MYO18B: variants seen among roughly 807,000 people sequenced by gnomAD.
MYO18B encodes the protein unconventional myosin-XVIIIb.
Under a neutral mutation model 273.0 loss-of-function variants are expected in MYO18B, and 204 were observed. The observed-to-expected ratio is 0.75, with a 90% CI of 0.67 to 0.84. MYO18B has a LOEUF of 0.84. Among genes scored for constraint, MYO18B ranks in the 40% least tolerant of loss-of-function variants. The probability of loss-of-function intolerance (pLI) is 0.00; values close to 1 mark genes in which losing one functional copy is unlikely to be tolerated. For missense variants in MYO18B, 3,212 were observed against 3,287.6 expected, an observed-to-expected ratio of 0.98 and a Z score of 0.56; for synonymous variants, 1,330 against 1,305.7, an observed-to-expected ratio of 1.02 and a Z score of -0.40.
At position 26,027,195 on chromosome 22, in the gene MYO18B, G is replaced by A. The variant is rs201666386; in HGVS notation, c.7221G>A (p.Gln2407=). Residue 2407 remains glutamine (Q), a synonymous_variant, in exon 43 of 44, where the codon CAG becomes CAA. Transcript: ENST00000335473. The surrounding 1 kb of genome is among the most constrained non-coding windows in gnomAD (Gnocchi z 4.1). ...PDLGKEPLVF[Q]NRQFAHLMEE... ...TTGGAAAGGAGCCGCTTGTTTTCCAGAACCGCCAGTTTGCCCACCTGATGG... is the reference window on the plus strand; with the variant it reads ...TTGGAAAGGAGCCGCTTGTTTTCCAAAACCGCCAGTTTGCCCACCTGATGG... 2,873 of 1,613,950 alleles carry A rather than the reference G, an allele frequency of 1.8e-3. 13 individuals are homozygous for A. The highest frequency in any genetic ancestry group is 9.3e-3 in the South Asian group (845 of 91,088).
chr22:26,061,408 G>T, the MYO18B span, among the ~76,000 whole-genome samples: 1 of 152,064 alleles, frequency 6.6e-6, no homozygotes, highest in Admixed American at 6.5e-5. Flanking sequence ...CCTTGATGGG[G>T]CTGTTGGAGT....
chr22:25,793,137 C>T (rs1309592257), intron 11 of MYO18B, among the ~76,000 whole-genome samples: 1 of 152,216 alleles, frequency 6.6e-6, no homozygotes, highest in Non-Finnish European at 1.5e-5. Flanking sequence ...TTATTGAGTA[C>T]CACTGTGTGC....
chr22:26,060,012 G>A, the MYO18B span, among the ~76,000 whole-genome samples: 1 of 152,200 alleles, frequency 6.6e-6, no homozygotes, highest in East Asian at 1.9e-4. Flanking sequence ...GCATAAAAAT[G>A]TTTCTTTTAA....
intron 1 of MYO18B, among the ~76,000 whole-genome samples, chr22:25,752,879 G>C (rs78268897): frequency 6.6e-6 from 1 of 152,186 alleles, no homozygotes; most frequent in African/African-American, 2.4e-5. Context: ...CGGGTGGTCG[G>C]AGGCTCCGTA....
rs767625703 is a variant in MYO18B at position 26,027,127 on chromosome 22, C to T, written c.7153C>T (p.Arg2385Trp). Residue 2385 changes from arginine to tryptophan, a missense_variant, in exon 43 of 44, where the codon CGG (arginine) becomes TGG (tryptophan). Physicochemically the swap from Arg to Trp is moderately radical, Grantham distance 101 (BLOSUM62 -3). Transcript: ENST00000335473. The surrounding 1 kb of genome is among the most constrained non-coding windows in gnomAD (Gnocchi z 4.1). Reference protein sequence around the residue: ...LLSPTLRPRRRCLESSVDDAG... With the variant: ...LLSPTLRPRRWCLESSVDDAG... ...GTCGCCCACACTGCGTCCTCGGAGG[C>T]GGTGTCTGGAGTCCTCTGTGGACGA... 48 of 1,613,864 alleles carry T rather than the reference C, an allele frequency of 3.0e-5. No homozygotes were observed. The highest frequency in any genetic ancestry group is 3.9e-5 in the Non-Finnish European group (46 of 1,179,896).
In MYO18B at chr22:26,026,333, T is replaced by A. The variant is rs1601864214; in HGVS notation, c.6471-112T>A. ...TCATTTGAGAGTGCGGTAGGGATGG[T>A]ATTTCCAAAGAAAAATAATATTAGT... On this transcript the variant is annotated intron_variant, in intron 42 of 43. Transcript: ENST00000335473. 3.0e-5 allele frequency: 37 copies of A among 1,219,022 alleles called. 1 individual carries two copies. In the Middle Eastern group the frequency reaches 8.3e-4, roughly 27 times the overall value. The allele number at this position is 1,219,022 out of a possible 1,614,324, so 75.5% of individuals were successfully genotyped here.
At chr22:25,784,885 G>A (rs932011726) in intron 10 of MYO18B, among the ~76,000 whole-genome samples, 2 of 152,324 alleles carry the variant, frequency 1.3e-5, no homozygotes, top group African/African-American at 2.4e-5. Flanking sequence ...CGGGAGAGGT[G>A]CACGTGGCAG....
intron 42 of MYO18B, among the ~76,000 whole-genome samples, chr22:26,023,336 A>G (rs1935966480): frequency 6.6e-6 from 1 of 152,068 alleles, no homozygotes; most frequent in Non-Finnish European, 1.5e-5. Context: ...TCTACTACAT[A>G]CTGGGCTCAG....
chr22:25,869,323 G>A (rs1004778468), intron 22 of MYO18B, among the ~76,000 whole-genome samples: 4 of 151,812 alleles, frequency 2.6e-5, no homozygotes, highest in African/African-American at 4.8e-5. Flanking sequence ...GGTGGTGTGC[G>A]CCTGTAATCC....
At chr22:25,894,909 A>C in intron 27 of MYO18B, 1 of 459,260 alleles carries the variant, frequency 2.2e-6, no homozygotes, top group Non-Finnish European at 4.0e-6. Flanking sequence ...AAGGCAACCA[A>C]TCTTAGAAGA....
intron 17 of MYO18B, among the ~76,000 whole-genome samples, chr22:25,842,964 CTGAG>C (rs1390156037): frequency 2.0e-5 from 3 of 152,196 alleles, no homozygotes; most frequent in Non-Finnish European, 4.4e-5. Context: ...TTACTGCTGA[CTGAG>C]TGACCATTAT....
intron 12 of MYO18B, among the ~76,000 whole-genome samples, chr22:25,822,075 T>G (rs1035496853): frequency 6.6e-6 from 1 of 152,208 alleles, no homozygotes; most frequent in African/African-American, 2.4e-5. Context: ...AATGGCTTTA[T>G]AATGGTCCAA....
At position 25,933,510 on chromosome 22, in the gene MYO18B, C is replaced by T. The variant is rs2092537093; in HGVS notation, c.5517+12101C>T. Among the ~76,000 whole-genome samples, 3 of 152,354 alleles carry T rather than the reference C, an allele frequency of 2.0e-5. No homozygotes were observed. In the South Asian group the frequency reaches 6.2e-4, roughly 32 times the overall value. Reference sequence around the variant, plus strand: ...TTCTCGTTAGAGAAATTCTCACCATCCACATGTGCTGGCCTTGTATCTTGC... The same window carrying T: ...TTCTCGTTAGAGAAATTCTCACCATTCACATGTGCTGGCCTTGTATCTTGC... On this transcript the variant is annotated intron_variant, in intron 34 of 43. Transcript: ENST00000335473.
chr22:25,982,800 A>G (rs1272742803), intron 39 of MYO18B, among the ~76,000 whole-genome samples: 3 of 152,228 alleles, frequency 2.0e-5, no homozygotes, highest in Admixed American at 6.5e-5. Flanking sequence ...CATATCTGCA[A>G]GATGCCTTTT....
In MYO18B at chr22:25,878,036, G is replaced by T. The variant is rs1360650293; in HGVS notation, c.4302G>T (p.Leu1434=). The T allele has an allele frequency of 6.3e-7, 1 of 1,580,262 alleles. No homozygotes were observed. Among genetic ancestry groups the T allele is most frequent in the South Asian group, 1.2e-5 (1 of 85,696 alleles). The part of the protein sequence containing the change: ...LRNELRQNTD[L]LESKIADLTS... Reference sequence around the variant, plus strand: ...ATGAACTCCGGCAGAACACAGATCTGCTAGAAAGCAAGGTATCCCCATCCC... The same window carrying T: ...ATGAACTCCGGCAGAACACAGATCTTCTAGAAAGCAAGGTATCCCCATCCC... Residue 1434 remains leucine, a synonymous_variant, in exon 25 of 44, where the codon CTG becomes CTT. Transcript: ENST00000335473.
At chr22:25,762,110 G>GA (rs113144865) in intron 2 of MYO18B, among the ~76,000 whole-genome samples, 390 of 111,632 alleles carry the variant, frequency 3.5e-3, no homozygotes, top group African/African-American at 7.0e-3. Flanking sequence ...TCTCAAAAAA[G>GA]AAAAAAAAAA....
the MYO18B span, among the ~76,000 whole-genome samples, chr22:26,059,273 A>G: frequency 6.6e-6 from 1 of 152,212 alleles, no homozygotes; most frequent in Non-Finnish European, 1.5e-5. Context: ...TACTGGGATG[A>G]TGGATCTTGG....
chr22:25,965,943 G>C (rs1440371355), intron 39 of MYO18B, among the ~76,000 whole-genome samples: 1 of 152,130 alleles, frequency 6.6e-6, no homozygotes, highest in Non-Finnish European at 1.5e-5. Flanking sequence ...GGAGTGAAAG[G>C]CTCTTAATCA....
At chr22:25,969,949 TATC>T (rs2093019023) in intron 39 of MYO18B, among the ~76,000 whole-genome samples, 1 of 152,028 alleles carries the variant, frequency 6.6e-6, no homozygotes, top group Non-Finnish European at 1.5e-5. Flanking sequence ...TCATCATCAT[TATC>T]ATCATCATTG....
Sources: allele counts gnomAD v4.1 joint callset (sites outside exome capture counted in the v4.1 genomes callset), GRCh38; gene constraint gnomAD v4.1.1; non-coding constraint Gnocchi (gnomAD v3.1); transcripts MANE v1.5; gene names NCBI Gene and HGNC (gene_info 2026-07-23, HGNC 2026-07-21).